Variants in DSCAM observed in about 807,000 individuals in gnomAD.
The protein encoded by DSCAM is DS cell adhesion molecule, also known as cell adhesion molecule DSCAM.
A neutral mutation model predicts 217.7 loss-of-function variants in DSCAM; 47 were observed. The ratio of observed to expected loss-of-function variants is 0.22; its 90% confidence interval spans 0.17 to 0.28. The LOEUF (loss-of-function observed/expected upper bound fraction) is 0.28. Ranked by LOEUF, DSCAM falls within the 10% of genes least tolerant of loss-of-function variation. The probability of loss-of-function intolerance (pLI) is 1.00; values close to 1 mark genes in which losing one functional copy is unlikely to be tolerated. For synonymous variants in DSCAM, 1,056 were observed against 1,015.3 expected (o/e 1.04, Z -0.76); for missense variants, 2,080 against 2,618.3 (o/e 0.79, Z 4.49).
intron 3 of DSCAM, among the ~76,000 whole-genome samples, chr21:40,509,992 C>T (rs1282932014): frequency 1.3e-5 from 2 of 152,048 alleles, no homozygotes; most frequent in East Asian, 1.9e-4. Context: ...GGCGTGGTGG[C>T]ACACAACTGT....
intron 3 of DSCAM, among the ~76,000 whole-genome samples, chr21:40,530,320 G>C (rs1174076120): frequency 6.6e-6 from 1 of 152,098 alleles, no homozygotes; most frequent in African/African-American, 2.4e-5. Context: ...TTTGACTTTT[G>C]TTGATAAACA....
intron 11 of DSCAM, among the ~76,000 whole-genome samples, chr21:40,208,531 G>A (rs1346438363): frequency 6.6e-6 from 1 of 152,172 alleles, no homozygotes; most frequent in Non-Finnish European, 1.5e-5. Context: ...ATGGCTCACT[G>A]AGCTGTTGCT....
intron 32 of DSCAM, among the ~76,000 whole-genome samples, chr21:40,033,036 T>C (rs548904113): frequency 4.7e-4 from 71 of 152,296 alleles, no homozygotes; most frequent in African/African-American, 1.6e-3. Flanking sequence ...TGCATTTCAT[T>C]TGTTCCACCC....
At chr21:40,696,563 G>C (rs1341148608) in intron 2 of DSCAM, among the ~76,000 whole-genome samples, 2 of 152,198 alleles carry the variant, frequency 1.3e-5, no homozygotes, top group African/African-American at 4.8e-5. Flanking sequence ...AATGGTTCCA[G>C]TGCCCAAGCA....
intron 8 of DSCAM, among the ~76,000 whole-genome samples, chr21:40,317,376 A>G (rs2074209096): frequency 6.6e-6 from 1 of 152,222 alleles, no homozygotes; most frequent in South Asian, 2.1e-4. Context: ...TATGGAATTT[A>G]TCACATTGAT....
chr21:40,502,109 C>T (rs2076174426), intron 3 of DSCAM, among the ~76,000 whole-genome samples: 1 of 152,136 alleles, frequency 6.6e-6, no homozygotes, highest in Admixed American at 6.5e-5. Context: ...TAACCTCTAA[C>T]TGAAATTTAT....
intron 1 of DSCAM, among the ~76,000 whole-genome samples, chr21:40,836,365 A>G (rs1008723743): frequency 2.0e-5 from 3 of 152,134 alleles, no homozygotes; most frequent in African/African-American, 7.2e-5. Context: ...AAAATGGTGC[A>G]AAGAGATAGA....
chr21:40,433,368 G>A (rs1207224972), intron 3 of DSCAM, among the ~76,000 whole-genome samples: 53 of 99,524 alleles, frequency 5.3e-4, no homozygotes, highest in African/African-American at 1.8e-3. Flanking sequence ...AAAAAAAAAA[G>A]AGCACCTGCA....
At chr21:40,234,290 A>G (rs2091406750) in intron 11 of DSCAM, among the ~76,000 whole-genome samples, 1 of 152,238 alleles carries the variant, frequency 6.6e-6, no homozygotes, top group South Asian at 2.1e-4. Flanking sequence ...TCTCTGGTAC[A>G]GAACAGTTCT....
rs917160501 is a variant in DSCAM at position 40,780,938 on chromosome 21, C to T, written c.43+65681G>A. Among the ~76,000 whole-genome samples, 16 of 152,188 alleles carry T rather than the reference C, an allele frequency of 1.1e-4. No individual in the cohort carries two copies. In the East Asian group the frequency reaches 2.1e-3, roughly 20 times the overall value. On this transcript the variant is annotated intron_variant, in intron 1 of 32. Coordinates refer to ENST00000400454, the MANE Select transcript of DSCAM (RefSeq NM_001389.5). The stretch of plus-strand genomic sequence containing the variant: ...AATATTTCTGTGGCCATATTTCAGG[C>T]GATTGATGTAGTTAAATTCCACAAA...
chr21:40,376,407 T>C (rs1250867753), intron 3 of DSCAM, among the ~76,000 whole-genome samples: 1 of 146,848 alleles, frequency 6.8e-6, no homozygotes, highest in South Asian at 2.1e-4. Flanking sequence ...TATATATCTA[T>C]ATCATATATA....
At chr21:40,169,781 T>A (rs1473305791) in intron 15 of DSCAM, among the ~76,000 whole-genome samples, 1 of 152,076 alleles carries the variant, frequency 6.6e-6, no homozygotes, top group Non-Finnish European at 1.5e-5. Flanking sequence ...GTCTCTGGGC[T>A]GTTTGTTCCC....
chr21:40,520,834 T>C (rs941127783), intron 3 of DSCAM, among the ~76,000 whole-genome samples: 10 of 151,858 alleles, frequency 6.6e-5, no homozygotes, highest in African/African-American at 9.7e-5. Context: ...AAATAGAAAA[T>C]ATATGTAGTG....
intron 3 of DSCAM, among the ~76,000 whole-genome samples, chr21:40,454,124 G>A (rs561736943): frequency 6.6e-6 from 1 of 152,302 alleles, no homozygotes; most frequent in African/African-American, 2.4e-5. Context: ...GGCAAAGTCT[G>A]CTCATGATGA....
At chr21:40,186,465 C>G (rs538283502) in intron 14 of DSCAM, among the ~76,000 whole-genome samples, 26 of 152,240 alleles carry the variant, frequency 1.7e-4, no homozygotes, top group African/African-American at 6.3e-4. Flanking sequence ...GTATTCTACC[C>G]TCGCCCAATG....
chr21:40,719,550 C>G (rs1321757809), intron 1 of DSCAM, among the ~76,000 whole-genome samples: 3 of 152,148 alleles, frequency 2.0e-5, no homozygotes, highest in Admixed American at 6.5e-5. Flanking sequence ...TGAAAACTTA[C>G]CAAATATCGA....
intron 1 of DSCAM, among the ~76,000 whole-genome samples, chr21:40,778,991 TCC>T (rs1412622051): frequency 1.6e-5 from 2 of 121,812 alleles, no homozygotes; most frequent in Non-Finnish European, 3.2e-5. Context: ...GCCATTGCAC[TCC>T]AGCCTGGGCA....
rs571585911 is a variant in DSCAM at position 40,427,859 on chromosome 21, T to C, written c.509-58614A>G. ...TGTCATCCAGTTGAGGTCAGTTAAG[T>C]ATTGTGTTCTGGATGAATATCAGCA... On this transcript the variant is annotated intron_variant, in intron 3 of 32. Coordinates refer to ENST00000400454, the MANE Select transcript of DSCAM (RefSeq NM_001389.5). Among the ~76,000 whole-genome samples, 15 of 152,340 alleles carry C rather than the reference T, an allele frequency of 9.8e-5. 1 individual carries two copies. In the South Asian group the frequency reaches 2.9e-3, roughly 29 times the overall value.
intron 4 of DSCAM, among the ~76,000 whole-genome samples, chr21:40,367,355 C>T (rs566919314): frequency 1.7e-4 from 26 of 152,278 alleles, no homozygotes; most frequent in African/African-American, 6.3e-4. Context: ...AAGGTGCCAT[C>T]CATGTACTTT....
Sources: gnomAD v4.1 joint callset for allele counts (sites outside exome capture counted in the v4.1 genomes callset) on GRCh38, gnomAD v4.1.1 for gene constraint, MANE v1.5 for transcripts, NCBI Gene and HGNC (gene_info 2026-07-23, HGNC 2026-07-21) for gene names.